The following COMMD1 variants were observed in gnomAD, a reference collection of about 807,000 sequenced individuals.
COMMD1 encodes copper metabolism domain containing 1, also known as COMM domain-containing protein 1.
A neutral mutation model predicts 17.2 loss-of-function variants in COMMD1; 10 were observed. That is an observed-to-expected ratio of 0.58 (90% CI 0.36 to 0.99). The LOEUF is 0.99. COMMD1 is among the 50% of genes least tolerant of loss of function. The probability of loss-of-function intolerance (pLI) is 0.01; values close to 1 mark genes in which losing one functional copy is unlikely to be tolerated. For missense variants in COMMD1, 270 were observed against 231.8 expected (o/e 1.17, Z -1.07); for synonymous variants, 97 against 91.6 (o/e 1.06, Z -0.34).
intron 2 of COMMD1, among the ~76,000 whole-genome samples, chr2:62,009,837 A>G (rs554739791): frequency 6.6e-6 from 1 of 152,294 alleles, no homozygotes; most frequent in East Asian, 1.9e-4. Flanking sequence ...TAAAAGCATT[A>G]CTAGTTATAA....
At chr2:62,031,855 G>T (rs888151848) in intron 2 of COMMD1, among the ~76,000 whole-genome samples, 3 of 152,280 alleles carry the variant, frequency 2.0e-5, no homozygotes, top group Non-Finnish European at 4.4e-5. Flanking sequence ...GATTATCTCT[G>T]TCTGACATCT....
At chr2:61,983,749 G>T (rs964991326) in intron 1 of COMMD1, among the ~76,000 whole-genome samples, 9 of 151,822 alleles carry the variant, frequency 5.9e-5, no homozygotes, top group Non-Finnish European at 1.0e-4. Flanking sequence ...TTGGCTAAAG[G>T]CTTGTCAATT....
intron 2 of COMMD1, among the ~76,000 whole-genome samples, chr2:62,119,769 G>A (rs902473411): frequency 2.0e-5 from 3 of 152,190 alleles, no homozygotes; most frequent in South Asian, 2.1e-4. Flanking sequence ...GGTTTGATTA[G>A]TACCACTTCT....
intron 1 of COMMD1, among the ~76,000 whole-genome samples, chr2:61,985,406 T>A (rs1672081208): frequency 6.6e-6 from 1 of 152,204 alleles, no homozygotes; most frequent in South Asian, 2.1e-4. Flanking sequence ...TCATTGGATC[T>A]TGTTTTTTTA....
At chr2:61,923,516 G>A (rs1269200077) in intron 1 of COMMD1, among the ~76,000 whole-genome samples, 1 of 151,856 alleles carries the variant, frequency 6.6e-6, no homozygotes, top group African/African-American at 2.4e-5. Context: ...GTTAGGAGTA[G>A]GAAATATTTC....
intron 1 of COMMD1, among the ~76,000 whole-genome samples, chr2:61,973,844 T>C (rs1464389923): frequency 2.0e-5 from 3 of 152,204 alleles, no homozygotes; most frequent in East Asian, 1.9e-4. Flanking sequence ...ATTCTAAAAA[T>C]GTGTATACCT....
chr2:61,899,608 T>G (rs1669617514), intron 1 of COMMD1, among the ~76,000 whole-genome samples: 1 of 152,150 alleles, frequency 6.6e-6, no homozygotes, highest in Non-Finnish European at 1.5e-5. Flanking sequence ...AAATTTTGCC[T>G]CTTCTACACA....
At chr2:61,906,471 A>G (rs537485453) in intron 1 of COMMD1, among the ~76,000 whole-genome samples, 1 of 152,252 alleles carries the variant, frequency 6.6e-6, no homozygotes, top group African/African-American at 2.4e-5. Flanking sequence ...CAGAATATTG[A>G]CAAGATTTTT....
chr2:61,974,671 C>CA (rs1276306424), intron 1 of COMMD1, among the ~76,000 whole-genome samples: 3,261 of 51,274 alleles, frequency 0.064, 77 homozygotes, highest in Non-Finnish European at 0.085. Flanking sequence ...GACTCCATCT[C>CA]AAAAAAAAAA....
At chr2:62,056,258 T>A (rs769290924) in intron 2 of COMMD1, among the ~76,000 whole-genome samples, 7 of 152,188 alleles carry the variant, frequency 4.6e-5, no homozygotes, top group Non-Finnish European at 1.0e-4. Flanking sequence ...GCATCCACAT[T>A]TAAGTACATG....
chr2:61,932,560 T>A (rs1670497296), intron 1 of COMMD1, among the ~76,000 whole-genome samples: 1 of 152,244 alleles, frequency 6.6e-6, no homozygotes, highest in Non-Finnish European at 1.5e-5. Flanking sequence ...GAGTGTGTTC[T>A]CCAGATTTCA....
At chr2:62,079,648 G>A (rs957529601) in intron 2 of COMMD1, 1 of 152,214 alleles carries the variant, frequency 6.6e-6, no homozygotes, top group Non-Finnish European at 1.5e-5. Flanking sequence ...AGAGGTGTTA[G>A]AAGTTTATTT....
intron 1 of COMMD1, among the ~76,000 whole-genome samples, chr2:61,973,332 A>G (rs1033330342): frequency 5.3e-5 from 8 of 152,202 alleles, no homozygotes; most frequent in Non-Finnish European, 1.2e-4. Context: ...GATAATGCCA[A>G]AATTTCATAG....
chr2:61,922,703 C>T (rs1670230562), intron 1 of COMMD1, among the ~76,000 whole-genome samples: 1 of 152,150 alleles, frequency 6.6e-6, no homozygotes. Context: ...TTGATTAAAA[C>T]AGACAAATGT....
At chr2:62,046,657 T>G (rs1414810537) in intron 2 of COMMD1, among the ~76,000 whole-genome samples, 2 of 152,256 alleles carry the variant, frequency 1.3e-5, no homozygotes, top group East Asian at 3.8e-4. Context: ...TGAACACAGT[T>G]TATTTTCCTT....
chr2:61,964,498 G>A (rs1671453677), intron 1 of COMMD1, among the ~76,000 whole-genome samples: 1 of 152,134 alleles, frequency 6.6e-6, no homozygotes, highest in Admixed American at 6.5e-5. Flanking sequence ...ATAGGCGTGA[G>A]GCACTACACC....
At chr2:62,026,175 C>G (rs1042183392) in intron 2 of COMMD1, among the ~76,000 whole-genome samples, 2 of 152,182 alleles carry the variant, frequency 1.3e-5, no homozygotes, top group Admixed American at 6.5e-5. Flanking sequence ...TTAGGCCGTT[C>G]TTTCTTTGCT....
chr2:61,932,301 T>C (rs900402009), intron 1 of COMMD1, among the ~76,000 whole-genome samples: 1 of 152,260 alleles, frequency 6.6e-6, no homozygotes, highest in African/African-American at 2.4e-5. Context: ...TTCCTTGCTG[T>C]TATTTCAGTT....
At chr2:62,049,602 G>A (rs1485002728) in intron 2 of COMMD1, among the ~76,000 whole-genome samples, 2 of 152,184 alleles carry the variant, frequency 1.3e-5, no homozygotes, top group African/African-American at 4.8e-5. Flanking sequence ...GAGAAACTCT[G>A]CCCTAGGTGA....
Sources: allele counts gnomAD v4.1 joint callset (sites outside exome capture counted in the v4.1 genomes callset), GRCh38; gene constraint gnomAD v4.1.1; transcripts MANE v1.5; gene names NCBI Gene and HGNC (gene_info 2026-07-23, HGNC 2026-07-21).